The following JMJD1C variants were observed in gnomAD, a reference collection of about 807,000 sequenced individuals.
The protein encoded by JMJD1C is jumonji domain containing 1C.
In JMJD1C, 31 loss-of-function variants were observed where a neutral mutation model predicts 245.3. The observed-to-expected ratio is 0.13, with a 90% confidence interval of 0.09 to 0.17. The LOEUF (loss-of-function observed/expected upper bound fraction) is 0.17. JMJD1C is among the 10% of genes least tolerant of loss of function. The probability of loss-of-function intolerance (pLI) is 1.00; values close to 1 mark genes in which losing one functional copy is unlikely to be tolerated. For synonymous variants in JMJD1C, 1,057 were observed against 1,017.4 expected (o/e 1.04, Z -0.74); for missense variants, 2,691 against 3,000.2 (o/e 0.90, Z 2.41).
At chr10:63,173,183 T>C (rs747579727) in intron 24 of JMJD1C, among the ~76,000 whole-genome samples, 1 of 152,170 alleles carries the variant, frequency 6.6e-6, no homozygotes, top group Non-Finnish European at 1.5e-5. Flanking sequence ...TAAAAAGTAG[T>C]ATTTTCAACA....
chr10:63,345,661 G>T (rs1257885100), intron 2 of JMJD1C, among the ~76,000 whole-genome samples: 2 of 152,134 alleles, frequency 1.3e-5, no homozygotes, highest in African/African-American at 4.8e-5. Context: ...GAGGTTAGGA[G>T]TAGGGAGACA....
chr10:63,371,488 A>G (rs1946316286), intron 2 of JMJD1C, among the ~76,000 whole-genome samples: 1 of 152,170 alleles, frequency 6.6e-6, no homozygotes, highest in Non-Finnish European at 1.5e-5. Context: ...TGCAATAAAC[A>G]TCTTTCTTCT....
At chr10:63,359,236 G>A (rs973675040) in intron 2 of JMJD1C, 2 of 152,148 alleles carry the variant, frequency 1.3e-5, no homozygotes, top group African/African-American at 4.8e-5. Context: ...ACTGGCCTGG[G>A]CCATATTCAT....
chr10:63,184,029 G>A (rs1362246993), intron 21 of JMJD1C, among the ~76,000 whole-genome samples: 2 of 135,332 alleles, frequency 1.5e-5, no homozygotes, highest in Non-Finnish European at 3.3e-5. Flanking sequence ...CCGGGTTCAA[G>A]CAATTCTCCT....
chr10:63,405,525 G>A (rs959406308), intron 1 of JMJD1C, among the ~76,000 whole-genome samples: 5 of 151,892 alleles, frequency 3.3e-5, no homozygotes, highest in Admixed American at 6.6e-5. Flanking sequence ...GTTTCACCAC[G>A]TTGGCCAGGC....
intron 1 of JMJD1C, among the ~76,000 whole-genome samples, chr10:63,400,442 C>A (rs1268880216): frequency 6.6e-6 from 1 of 152,154 alleles, no homozygotes; most frequent in East Asian, 1.9e-4. Flanking sequence ...TGAGGGACTA[C>A]CTTATAGGTG....
At chr10:63,370,176 T>C (rs1946185593) in intron 2 of JMJD1C, among the ~76,000 whole-genome samples, 1 of 152,216 alleles carries the variant, frequency 6.6e-6, no homozygotes, top group Non-Finnish European at 1.5e-5. Context: ...CTGATTTTAA[T>C]TCGTATACTT....
chr10:63,422,476 A>G (rs1390294194), intron 1 of JMJD1C, among the ~76,000 whole-genome samples: 1 of 152,198 alleles, frequency 6.6e-6, no homozygotes, highest in Non-Finnish European at 1.5e-5. Context: ...GATCTATTTT[A>G]CCTTTTTCAC....
chr10:63,169,248 A>G (rs1437285255), intron 24 of JMJD1C, among the ~76,000 whole-genome samples: 2 of 152,174 alleles, frequency 1.3e-5, no homozygotes, highest in African/African-American at 4.8e-5. Context: ...GCCAGTCAAT[A>G]GTCTTATCTG....
chr10:63,265,860 C>CAA (rs1198650466), intron 2 of JMJD1C, among the ~76,000 whole-genome samples: 1 of 152,066 alleles, frequency 6.6e-6, no homozygotes, highest in Non-Finnish European at 1.5e-5. Context: ...CCAGGCATTT[C>CAA]AAAATCATTG....
At chr10:63,354,269 T>C (rs1188526114) in intron 2 of JMJD1C, among the ~76,000 whole-genome samples, 2 of 152,238 alleles carry the variant, frequency 1.3e-5, no homozygotes, top group Non-Finnish European at 2.9e-5. Context: ...AACAACTCTC[T>C]TATCACTAAG....
At chr10:63,286,407 C>T (rs1857982450) in intron 2 of JMJD1C, among the ~76,000 whole-genome samples, 1 of 152,164 alleles carries the variant, frequency 6.6e-6, no homozygotes, top group African/African-American at 2.4e-5. Flanking sequence ...TCAGCCATTG[C>T]GACCGTGAAC....
At chr10:63,515,891 T>C (rs1353586062) in intron 1 of JMJD1C, among the ~76,000 whole-genome samples, 1 of 152,216 alleles carries the variant, frequency 6.6e-6, no homozygotes, top group Non-Finnish European at 1.5e-5. Flanking sequence ...TTTTCCTAGT[T>C]TGTCATCTGT....
intron 4 of JMJD1C, 101 bp downstream of exon 4, chr10:63,219,777 T>C: frequency 1.5e-6 from 1 of 684,322 alleles, no homozygotes; most frequent in South Asian, 1.9e-5. Context: ...AATATTGGAC[T>C]GGGCCTTCTA....
chr10:63,341,791 A>G (rs947243879), intron 2 of JMJD1C, among the ~76,000 whole-genome samples: 2 of 152,240 alleles, frequency 1.3e-5, no homozygotes, highest in Non-Finnish European at 2.9e-5. Context: ...CTTTAGATCA[A>G]TAACGAGTAA....
chr10:63,173,090 T>C (rs75563030), intron 24 of JMJD1C, among the ~76,000 whole-genome samples: 2 of 151,648 alleles, frequency 1.3e-5, no homozygotes, highest in East Asian at 3.9e-4. Context: ...GGGGGAAAAA[T>C]GTGAGATACT....
intron 2 of JMJD1C, among the ~76,000 whole-genome samples, chr10:63,301,569 A>G (rs1860078510): frequency 6.6e-6 from 1 of 152,246 alleles, no homozygotes; most frequent in African/African-American, 2.4e-5. Context: ...ACAGAAAACC[A>G]AACACCGCGT....
At chr10:63,304,152 T>A (rs1458258107) in intron 2 of JMJD1C, among the ~76,000 whole-genome samples, 1 of 152,226 alleles carries the variant, frequency 6.6e-6, no homozygotes, top group Admixed American at 6.5e-5. Context: ...CTATATAAAA[T>A]ATCTTAAATT....
chr10:63,471,330 A>T (rs1953486548), intron 1 of JMJD1C, among the ~76,000 whole-genome samples: 1 of 152,232 alleles, frequency 6.6e-6, no homozygotes, highest in African/African-American at 2.4e-5. Context: ...AAGTAATACC[A>T]ACTCAAAATC....
Sources: gnomAD v4.1 joint callset for allele counts (sites outside exome capture counted in the v4.1 genomes callset) on GRCh38, gnomAD v4.1.1 for gene constraint, MANE v1.5 for transcripts, NCBI Gene and HGNC (gene_info 2026-07-23, HGNC 2026-07-21) for gene names.